Variants in SPATS2L observed in about 807,000 individuals in gnomAD.
SPATS2L encodes SPATS2-like protein.
In SPATS2L, 30 loss-of-function variants were observed where a neutral mutation model predicts 59.6. The ratio of observed to expected loss-of-function variants is 0.50; its 90% CI spans 0.38 to 0.68. The LOEUF (loss-of-function observed/expected upper bound fraction) is 0.68, where lower values mean the gene tolerates loss of function less well. Among genes scored for constraint, SPATS2L ranks in the 30% least tolerant of loss-of-function variants. The pLI is 0.00. For synonymous variants in SPATS2L, 252 were observed against 263.5 expected (o/e 0.96, Z 0.42); for missense variants, 615 against 700.0 (o/e 0.88, Z 1.37).
chr2:200,320,804 A>G (rs778891749), intron 1 of SPATS2L, among the ~76,000 whole-genome samples: 1 of 152,214 alleles, frequency 6.6e-6, no homozygotes, highest in Non-Finnish European at 1.5e-5. Context: ...GCTATATTTT[A>G]TTGTACTCAT....
intron 2 of SPATS2L, among the ~76,000 whole-genome samples, chr2:200,341,741 G>A (rs944496985): frequency 6.6e-6 from 1 of 150,410 alleles, no homozygotes; most frequent in African/African-American, 2.4e-5. Flanking sequence ...CCAGGCTGGA[G>A]TGCAGTGGTG....
At chr2:200,326,093 T>G (rs1275132057) in intron 1 of SPATS2L, among the ~76,000 whole-genome samples, 1 of 152,142 alleles carries the variant, frequency 6.6e-6, no homozygotes, top group African/African-American at 2.4e-5. Flanking sequence ...AAGGGTGTAG[T>G]CTGAGGTTTG....
At chr2:200,413,311 C>A (rs977395799) in intron 4 of SPATS2L, among the ~76,000 whole-genome samples, 1 of 152,070 alleles carries the variant, frequency 6.6e-6, no homozygotes, top group Non-Finnish European at 1.5e-5. Flanking sequence ...TCTCTAAAAT[C>A]TTTTTGCTTT....
intron 2 of SPATS2L, among the ~76,000 whole-genome samples, chr2:200,363,626 A>G (rs1349905467): frequency 6.6e-6 from 1 of 152,284 alleles, no homozygotes; most frequent in Non-Finnish European, 1.5e-5. Flanking sequence ...AATTGGATTA[A>G]TGTAAGTGTA....
At chr2:200,416,273 C>CAAAAAAAAAAAAAAA (rs5837739) in intron 4 of SPATS2L, 106 bp from the exon 5 acceptor site, 1 of 318,486 alleles carries the variant, frequency 3.1e-6, no homozygotes, top group African/African-American at 3.2e-5. Flanking sequence ...ATGAAAAAGC[C>CAAAAAAAAAAAAAAA]AAAAAAAAAA....
At chr2:200,352,597 T>C (rs2080779634) in intron 2 of SPATS2L, among the ~76,000 whole-genome samples, 1 of 151,960 alleles carries the variant, frequency 6.6e-6, no homozygotes, top group Non-Finnish European at 1.5e-5. Flanking sequence ...TCCTGAAGGC[T>C]CTTTTCCTCC....
At chr2:200,391,960 T>C (rs1013446409) in intron 3 of SPATS2L, among the ~76,000 whole-genome samples, 4 of 152,236 alleles carry the variant, frequency 2.6e-5, no homozygotes, top group Non-Finnish European at 5.9e-5. Context: ...TATTACATGT[T>C]GTCTTAAAAA....
chr2:200,463,315 T>C (rs573776064), intron 9 of SPATS2L: 4 of 152,326 alleles, frequency 2.6e-5, no homozygotes, highest in African/African-American at 9.6e-5. Flanking sequence ...TCCTCAATTA[T>C]AACAGAAGCT....
intron 3 of SPATS2L, among the ~76,000 whole-genome samples, chr2:200,393,920 G>A (rs1252648484): frequency 6.6e-6 from 1 of 152,198 alleles, no homozygotes; most frequent in Non-Finnish European, 1.5e-5. Flanking sequence ...GGAATCCAAT[G>A]AGTTCATCAG....
intron 6 of SPATS2L, among the ~76,000 whole-genome samples, chr2:200,424,973 A>G (rs2083473786): frequency 6.6e-6 from 1 of 152,146 alleles, no homozygotes; most frequent in Admixed American, 6.5e-5. Context: ...CCTGCCCTGT[A>G]CCACAAAGCA....
chr2:200,472,516 A>G (rs192260212), intron 11 of SPATS2L, among the ~76,000 whole-genome samples: 2 of 152,284 alleles, frequency 1.3e-5, no homozygotes, highest in Admixed American at 1.3e-4. Context: ...TTGAGGTTTC[A>G]TTATCTCTTT....
intron 2 of SPATS2L, among the ~76,000 whole-genome samples, chr2:200,362,759 AG>A (rs1342771115): frequency 6.8e-6 from 1 of 146,232 alleles, no homozygotes; most frequent in African/African-American, 2.5e-5. Flanking sequence ...GAGTTCAGCT[AG>A]GGGACTAGTA....
intron 8 of SPATS2L, among the ~76,000 whole-genome samples, chr2:200,444,974 A>G (rs1347227341): frequency 6.6e-6 from 1 of 152,066 alleles, no homozygotes; most frequent in Non-Finnish European, 1.5e-5. Flanking sequence ...TCAAAGTGAC[A>G]TATTTGCATA....
intron 3 of SPATS2L, among the ~76,000 whole-genome samples, chr2:200,391,579 G>A (rs2082173737): frequency 6.6e-6 from 1 of 152,218 alleles, no homozygotes; most frequent in African/African-American, 2.4e-5. Flanking sequence ...GCAAAAAGAA[G>A]CTGTTGGAAG....
In SPATS2L at chr2:200,440,692, C is replaced by T. The variant is rs773018155; in HGVS notation, c.696C>T (p.Thr232=). 16 of 1,613,370 alleles carry T rather than the reference C, an allele frequency of 9.9e-6. No homozygotes were observed. Among genetic ancestry groups the T allele is most frequent in the South Asian group, 6.6e-5 (6 of 91,056 alleles). Residue 232 remains threonine, a synonymous_variant, in exon 8 of 13, where the codon ACC becomes ACT. Transcript: ENST00000409140. ...CAGTGAAGGATTTGCAACGCTGCAC[C>T]GTTTCTCTAACTAGATATCGCGTCA... ...EKSVKDLQRC[T]VSLTRYRVMI...
At position 200,412,322 on chromosome 2, in the gene SPATS2L, T is replaced by G; in HGVS notation, c.51T>G (p.Val17=). 1 of 1,579,650 alleles carries G rather than the reference T, an allele frequency of 6.3e-7. No homozygotes were observed. The highest frequency in any genetic ancestry group is 8.6e-7 in the Non-Finnish European group (1 of 1,157,836). ...HVNVKEKIYA[V]RSVVPNKSNN... is the part of the protein sequence containing the mutation. ...TTTTTCCTTTACAGATCTATGCAGT[T>G]AGATCAGTTGTTCCCAACAAAAGCA... The change falls in exon 4 of 13, where the codon GTT becomes GTG. Residue 17 remains valine, a synonymous_variant. Coordinates refer to ENST00000409140, the MANE Select transcript of SPATS2L (RefSeq NM_001100423.2).
chr2:200,412,391 G>A lies in SPATS2L; in HGVS notation c.120G>A (p.Val40=), dbSNP rs1019130194. Residue 40 remains valine, a synonymous_variant, in exon 4 of 13, where the codon GTG becomes GTA. Transcript: ENST00000409140. ...TGCTCCAACAGTTTGATTTTAATGT[G>A]GATAAAGCCGTGCAAGCCTTTGTGG... ...VLVLQQFDFN[V]DKAVQAFVDG... is the part of the protein sequence containing the mutation. 6.2e-7 allele frequency: 1 copy of A among 1,605,634 alleles called. No homozygotes were observed. The highest frequency in any genetic ancestry group is 2.2e-5 in the East Asian group (1 of 44,626).
chr2:200,390,437 T>C (rs1009817403), intron 3 of SPATS2L: 2 of 152,386 alleles, frequency 1.3e-5, no homozygotes. Context: ...GGCGGTGTGA[T>C]GAAGGCAAGG....
At chr2:200,389,475 A>T in intron 3 of SPATS2L, 192 bp downstream of exon 3, 1 of 493,760 alleles carries the variant, frequency 2.0e-6, no homozygotes, top group Non-Finnish European at 3.6e-6. Flanking sequence ...TAAGCATATG[A>T]CACTCATTTT....
Sources: gnomAD v4.1 joint callset for allele counts (sites outside exome capture counted in the v4.1 genomes callset) on GRCh38, gnomAD v4.1.1 for gene constraint, MANE v1.5 for transcripts, NCBI Gene and HGNC (gene_info 2026-07-23, HGNC 2026-07-21) for gene names.